Variants in SHISA9 observed in about 807,000 individuals in gnomAD.
The protein encoded by SHISA9 is protein shisa-9.
SHISA9 carries 13 observed loss-of-function variants against 38.0 expected under a neutral mutation model. The observed-to-expected ratio is 0.34, with a 90% CI of 0.22 to 0.54. The LOEUF is 0.54. Among genes scored for constraint, SHISA9 ranks in the 20% least tolerant of loss-of-function variants. The pLI is 0.91. For missense variants in SHISA9, 538 were observed against 575.8 expected, an observed-to-expected ratio of 0.93 and a Z score of 0.67; for synonymous variants, 275 against 242.0, an observed-to-expected ratio of 1.14 and a Z score of -1.27.
intron 2 of SHISA9, among the ~76,000 whole-genome samples, chr16:12,957,533 A>T (rs746260444): frequency 1.3e-5 from 2 of 152,128 alleles, no homozygotes; most frequent in African/African-American, 2.4e-5. Context: ...TTATAAGGAC[A>T]CTAATCCCAT....
chr16:13,358,257 T>G, the SHISA9 span, among the ~76,000 whole-genome samples: 5 of 152,330 alleles, frequency 3.3e-5, no homozygotes, highest in African/African-American at 1.2e-4. Context: ...GATGTCTACC[T>G]GGGAGCATGA....
intron 2 of SHISA9, among the ~76,000 whole-genome samples, chr16:12,978,381 C>G (rs1331767891): frequency 1.3e-5 from 2 of 152,166 alleles, no homozygotes; most frequent in Non-Finnish European, 2.9e-5. Context: ...TACTACGTAA[C>G]CCAAGGAGTA....
At chr16:13,559,732 A>G in the SHISA9 span, among the ~76,000 whole-genome samples, 13 of 152,190 alleles carry the variant, frequency 8.5e-5, no homozygotes, top group Admixed American at 7.9e-4. Context: ...CCAGCACCTT[A>G]CAGACATGAT....
chr16:12,941,485 G>A (rs2071610876), intron 2 of SHISA9, among the ~76,000 whole-genome samples: 1 of 152,140 alleles, frequency 6.6e-6, no homozygotes, highest in African/African-American at 2.4e-5. Context: ...TGGAAAATGG[G>A]GGTATCCATC....
At chr16:13,028,220 A>C (rs11859282) in intron 2 of SHISA9, among the ~76,000 whole-genome samples, 6,337 of 152,248 alleles carry the variant, frequency 0.042, 397 homozygotes, top group African/African-American at 0.14. Context: ...TTACACTTCA[A>C]TAAACGTTAT....
the SHISA9 span, among the ~76,000 whole-genome samples, chr16:13,247,639 G>A: frequency 6.6e-6 from 1 of 152,150 alleles, no homozygotes; most frequent in Admixed American, 6.6e-5. Flanking sequence ...CTGTCAGCTT[G>A]GCATCTCACT....
At chr16:13,097,358 A>T (rs2141953981) in intron 2 of SHISA9, among the ~76,000 whole-genome samples, 1 of 151,954 alleles carries the variant, frequency 6.6e-6, no homozygotes, top group Non-Finnish European at 1.5e-5. Flanking sequence ...GACAGCAGGC[A>T]CTTTATGGGA....
chr16:13,396,163 C>T, the SHISA9 span, among the ~76,000 whole-genome samples: 1 of 152,156 alleles, frequency 6.6e-6, no homozygotes. Flanking sequence ...TCAAACTCTA[C>T]AGTACCTGAA....
the SHISA9 span, among the ~76,000 whole-genome samples, chr16:13,308,823 A>G: frequency 1.3e-5 from 2 of 152,236 alleles, no homozygotes; most frequent in Admixed American, 1.3e-4. Context: ...AAATCGCCAT[A>G]AGATAGGTGA....
intron 2 of SHISA9, among the ~76,000 whole-genome samples, chr16:13,160,337 G>T (rs1397888013): frequency 6.6e-6 from 1 of 152,188 alleles, no homozygotes; most frequent in Non-Finnish European, 1.5e-5. Flanking sequence ...TTTCCTATAA[G>T]TCAGACCTGT....
intron 2 of SHISA9, among the ~76,000 whole-genome samples, chr16:13,126,811 A>T (rs2050261828): frequency 7.7e-6 from 1 of 129,794 alleles, no homozygotes; most frequent in Non-Finnish European, 1.7e-5. Flanking sequence ...GGAGAGAGAG[A>T]GAGAGAGCTG....
At chr16:13,491,954 AG>A in the SHISA9 span, among the ~76,000 whole-genome samples, 1 of 148,652 alleles carries the variant, frequency 6.7e-6, no homozygotes, top group Non-Finnish European at 1.5e-5. Flanking sequence ...TGAGATAACA[AG>A]CATGAGCCAC....
intron 2 of SHISA9, among the ~76,000 whole-genome samples, chr16:13,066,562 G>A (rs1476263422): frequency 6.6e-6 from 1 of 152,210 alleles, no homozygotes; most frequent in African/African-American, 2.4e-5. Context: ...TGAACTGATT[G>A]ATAATGGGGT....
chr16:13,525,602 C>T, the SHISA9 span, among the ~76,000 whole-genome samples: 1 of 152,152 alleles, frequency 6.6e-6, no homozygotes, highest in Non-Finnish European at 1.5e-5. Flanking sequence ...ATCCACCCAC[C>T]ACTTGAAATT....
chr16:13,123,689 A>G (rs2050233254), intron 2 of SHISA9, among the ~76,000 whole-genome samples: 1 of 152,150 alleles, frequency 6.6e-6, no homozygotes, highest in African/African-American at 2.4e-5. Context: ...TTCTTGAACT[A>G]CCTCTATGGG....
chr16:13,407,727 C>T, the SHISA9 span, among the ~76,000 whole-genome samples: 1 of 152,102 alleles, frequency 6.6e-6, no homozygotes, highest in Admixed American at 6.5e-5. Context: ...GGCCATATGA[C>T]CATTTCTGAA....
chr16:13,177,538 A>T (rs183694573), intron 2 of SHISA9, among the ~76,000 whole-genome samples: 2,786 of 151,670 alleles, frequency 0.018, 39 homozygotes, highest in Non-Finnish European at 0.027. Flanking sequence ...CTTTTATTTT[A>T]TTTTTTTTAA....
chr16:13,035,688 G>T (rs528939144), intron 2 of SHISA9, among the ~76,000 whole-genome samples: 1 of 152,186 alleles, frequency 6.6e-6, no homozygotes, highest in African/African-American at 2.4e-5. Flanking sequence ...GCACCACCAT[G>T]CCTGGCTAAT....
chr16:12,938,143 C>G (rs556238092), intron 2 of SHISA9, among the ~76,000 whole-genome samples: 3 of 152,302 alleles, frequency 2.0e-5, no homozygotes, highest in East Asian at 3.9e-4. Flanking sequence ...AGAGGGAAAG[C>G]CTTGGTTAGG....
Sources: gnomAD v4.1 joint callset for allele counts (sites outside exome capture counted in the v4.1 genomes callset) on GRCh38, gnomAD v4.1.1 for gene constraint, MANE v1.5 for transcripts, NCBI Gene and HGNC (gene_info 2026-07-23, HGNC 2026-07-21) for gene names.